Variants in CCDC34 observed in about 807,000 individuals in gnomAD.
CCDC34 encodes the protein coiled-coil domain-containing protein 34.
CCDC34 carries 40 observed loss-of-function variants against 44.1 expected under a neutral mutation model. The ratio of observed to expected loss-of-function variants is 0.91; its 90% CI spans 0.70 to 1.18. CCDC34 has a LOEUF of 1.18. Ranked by LOEUF, CCDC34 falls within the 50% of genes most tolerant of loss-of-function variation. The pLI is 0.00. For missense variants in CCDC34, 466 were observed against 452.3 expected (o/e 1.03, Z -0.28); for synonymous variants, 159 against 158.2 (o/e 1.01, Z -0.04).
intron 3 of CCDC34, chr11:27,348,842 A>T: frequency 1.0e-6 from 1 of 952,932 alleles, no homozygotes; most frequent in Non-Finnish European, 1.2e-6. Flanking sequence ...TTATTCCTTA[A>T]CATGAACAAG....
At chr11:27,348,506 A>C (rs1282080548) in intron 3 of CCDC34, among the ~76,000 whole-genome samples, 1 of 152,248 alleles carries the variant, frequency 6.6e-6, no homozygotes, top group Non-Finnish European at 1.5e-5. Context: ...TTATTTTAAA[A>C]GCACTTAAGA....
intron 2 of CCDC34, among the ~76,000 whole-genome samples, chr11:27,351,394 T>G (rs1862501789): frequency 6.6e-6 from 1 of 152,148 alleles, no homozygotes; most frequent in South Asian, 2.1e-4. Flanking sequence ...GAACATCTCT[T>G]TTGCATTTTA....
At chr11:27,339,532 C>G (rs1445771209) in intron 5 of CCDC34, among the ~76,000 whole-genome samples, 1 of 152,146 alleles carries the variant, frequency 6.6e-6, no homozygotes, top group Non-Finnish European at 1.5e-5. Flanking sequence ...CACAATATCA[C>G]TGTAATTGTG....
rs1213060986 is a variant in CCDC34 at position 27,338,997 on chromosome 11, A to G, written c.946T>C (p.Tyr316His). Residue 316 changes from tyrosine (Y) to histidine (H), a missense_variant, in exon 6 of 6, where the codon TAT becomes CAT. Transcript: ENST00000328697. ...ATTGGTTTCCACGGAATTGGATTAT[A>G]AAAGGCTGGTTCTGGATAGGAATTT... ...SGNSYPEPAF[Y>H]NPIPWKPIHM... The G allele has an allele frequency of 6.2e-7, 1 of 1,613,482 alleles. No individual in the cohort carries two copies. Among genetic ancestry groups the G allele is most frequent in the Admixed American group, 1.7e-5 (1 of 59,870 alleles).
chr11:27,360,933 A>G (rs1230117050), intron 1 of CCDC34, among the ~76,000 whole-genome samples: 2 of 152,214 alleles, frequency 1.3e-5, no homozygotes, highest in Non-Finnish European at 2.9e-5. Context: ...GTTAGGACCA[A>G]TGGAGAGAAA....
At chr11:27,342,215 T>C (rs1862369574) in intron 3 of CCDC34, among the ~76,000 whole-genome samples, 2 of 151,258 alleles carry the variant, frequency 1.3e-5, no homozygotes, top group Admixed American at 6.6e-5. Flanking sequence ...TGATAGTGAG[T>C]AAAAATTACA....
At chr11:27,353,694 T>A (rs1001955318) in intron 2 of CCDC34, among the ~76,000 whole-genome samples, 3 of 152,116 alleles carry the variant, frequency 2.0e-5, no homozygotes, top group African/African-American at 7.2e-5. Flanking sequence ...CAAATCAAAT[T>A]TATGAGTGTG....
At chr11:27,343,133 G>A (rs949544006) in intron 3 of CCDC34, among the ~76,000 whole-genome samples, 4 of 152,152 alleles carry the variant, frequency 2.6e-5, no homozygotes, top group Admixed American at 1.3e-4. Flanking sequence ...GGGCATGGTC[G>A]TTCATGCCTG....
In CCDC34 at chr11:27,363,037, G is replaced by A. The variant is rs1191396872; in HGVS notation, c.158C>T (p.Pro53Leu). ...QGLEVVRSPS[P>L]PLPLSCSNST... ...ATTGCTGCAGCTCAGCGGCAGCGGC[G>A]GCGACGGCGAGCGCACCACCTCCAG... Residue 53 changes from proline (P) to leucine (L), a missense_variant, in exon 1 of 6, where the codon CCG becomes CTG. Coordinates refer to ENST00000328697, the MANE Select transcript of CCDC34 (RefSeq NM_030771.2). 1 of 1,614,038 alleles carries A rather than the reference G, an allele frequency of 6.2e-7. No individual in the cohort carries two copies. The highest frequency in any genetic ancestry group is 2.2e-5 in the East Asian group (1 of 44,864).
Position 27,362,975 on chromosome 11 carries a change from T to A in CCDC34, c.220A>T (p.Ser74Cys), listed in dbSNP as rs1481231959. ...CCGTCGTCCTCGTCAAACTGGAAGCTCTGGTGGCCAAGGGGAGACAACAGC... is the reference window on the plus strand; with the variant it reads ...CCGTCGTCCTCGTCAAACTGGAAGCACTGGTGGCCAAGGGGAGACAACAGC... ...RSLLSPLGHQ[S>C]FQFDEDDGDG... Residue 74 changes from serine (S) to cysteine (C), a missense_variant, in exon 1 of 6, where the codon AGC (serine) becomes TGC (cysteine). Ser to Cys is a moderately radical substitution (Grantham distance 112). Coordinates refer to ENST00000328697, the MANE Select transcript of CCDC34 (RefSeq NM_030771.2). 1.2e-6 allele frequency: 2 copies of A among 1,613,970 alleles called. No homozygotes were observed. Among genetic ancestry groups the A allele is most frequent in the Admixed American group, 1.7e-5 (1 of 59,990 alleles).
At chr11:27,346,944 A>G (rs1162320374) in intron 3 of CCDC34, among the ~76,000 whole-genome samples, 3 of 152,216 alleles carry the variant, frequency 2.0e-5, no homozygotes, top group African/African-American at 7.2e-5. Flanking sequence ...ATAAAAAGAC[A>G]GCCGTGGAGA....
rs1293130984 is a variant in CCDC34 at position 27,363,062 on chromosome 11, G to A, written c.133C>T (p.Leu45=). ...VPMTGARGQG[L]EVVRSPSPPL... ...GGCGACGGCGAGCGCACCACCTCCA[G>A]CCCCTGCCCACGTGCGCCCGTCATA... The change falls in exon 1 of 6, where the codon CTG becomes TTG. Residue 45 remains leucine, a synonymous_variant. Transcript: ENST00000328697. 1 of 1,613,174 alleles carries A rather than the reference G, an allele frequency of 6.2e-7. No homozygotes were observed. The highest frequency in any genetic ancestry group is 8.5e-7 in the Non-Finnish European group (1 of 1,179,676).
At chr11:27,354,472 T>C (rs1363611233) in intron 2 of CCDC34, among the ~76,000 whole-genome samples, 1 of 152,110 alleles carries the variant, frequency 6.6e-6, no homozygotes, top group Non-Finnish European at 1.5e-5. Context: ...ATGAAGCAAA[T>C]ATTATCCTCC....
chr11:27,347,774 C>T (rs2351399), intron 3 of CCDC34, among the ~76,000 whole-genome samples: 104,870 of 151,874 alleles, frequency 0.69, 36,383 homozygotes, highest in Admixed American at 0.77. Flanking sequence ...AAAGGAAACT[C>T]TCTGGGGTGA....
intron 3 of CCDC34, chr11:27,350,129 CA>C: frequency 7.0e-7 from 1 of 1,437,312 alleles, no homozygotes; most frequent in South Asian, 1.7e-5. Flanking sequence ...GTGCAAGCCA[CA>C]GGAGGGAAAA....
At chr11:27,346,928 G>A (rs942170428) in intron 3 of CCDC34, among the ~76,000 whole-genome samples, 2 of 152,134 alleles carry the variant, frequency 1.3e-5, no homozygotes, top group Non-Finnish European at 2.9e-5. Flanking sequence ...AAAGCCCTGT[G>A]GGGACATAAA....
At chr11:27,351,569 T>C (rs184361966) in intron 2 of CCDC34, among the ~76,000 whole-genome samples, 9 of 152,196 alleles carry the variant, frequency 5.9e-5, no homozygotes, top group Admixed American at 2.6e-4. Context: ...GCAGCTATTG[T>C]TCTTTGATGA....
intron 3 of CCDC34, among the ~76,000 whole-genome samples, chr11:27,344,517 A>G (rs1590323656): frequency 6.6e-6 from 1 of 151,726 alleles, no homozygotes; most frequent in East Asian, 1.9e-4. Context: ...ATATGCTATA[A>G]ACCTGTGTTG....
intron 3 of CCDC34, chr11:27,349,677 A>T (rs1862478218): frequency 1.0e-6 from 1 of 982,478 alleles, no homozygotes; most frequent in Admixed American, 6.2e-5. Context: ...AATATATTAA[A>T]ATTAAAAGGA....
Sources: gnomAD v4.1 joint callset for allele counts (sites outside exome capture counted in the v4.1 genomes callset) on GRCh38, gnomAD v4.1.1 for gene constraint, MANE v1.5 for transcripts, NCBI Gene and HGNC (gene_info 2026-07-23, HGNC 2026-07-21) for gene names.